Variants in CDC42SE2 observed in about 807,000 individuals in gnomAD.
The protein encoded by CDC42SE2 is CDC42 small effector protein 2.
In CDC42SE2, 3 loss-of-function variants were observed where a neutral mutation model predicts 11.5. The observed-to-expected ratio is 0.26, with a 90% CI of 0.12 to 0.67. The LOEUF (loss-of-function observed/expected upper bound fraction) is 0.67, where lower values mean the gene tolerates loss of function less well. CDC42SE2 is among the 30% of genes least tolerant of loss of function. The pLI is 0.80. For missense variants in CDC42SE2, 82 were observed against 106.8 expected (o/e 0.77, Z 1.02); for synonymous variants, 33 against 34.8 (o/e 0.95, Z 0.18).
intron 3 of CDC42SE2, among the ~76,000 whole-genome samples, chr5:131,384,306 G>A (rs1240073396): frequency 1.3e-5 from 2 of 152,190 alleles, no homozygotes; most frequent in African/African-American, 2.4e-5. Context: ...TTGTGGTTTT[G>A]TAGAAAGTCA....
chr5:131,318,891 A>T (rs1758103889), intron 2 of CDC42SE2, among the ~76,000 whole-genome samples: 1 of 152,008 alleles, frequency 6.6e-6, no homozygotes, highest in African/African-American at 2.4e-5. Flanking sequence ...TTGGCAGATA[A>T]TGCATTCTTT....
At chr5:131,290,325 G>A (rs1757430175) in intron 1 of CDC42SE2, among the ~76,000 whole-genome samples, 1 of 152,042 alleles carries the variant, frequency 6.6e-6, no homozygotes, top group African/African-American at 2.4e-5. Context: ...ACCTTATACT[G>A]GGTTGAGGAC....
chr5:131,354,944 A>C (rs987795727), intron 2 of CDC42SE2, among the ~76,000 whole-genome samples: 2 of 152,186 alleles, frequency 1.3e-5, no homozygotes, highest in Admixed American at 1.3e-4. Flanking sequence ...CAGCTGCGCC[A>C]AATGTTGGGA....
At chr5:131,262,486 T>G (rs1756752262), upstream of CDC42SE2, among the ~76,000 whole-genome samples, 1 of 152,178 alleles carries the variant, frequency 6.6e-6, no homozygotes, top group Non-Finnish European at 1.5e-5. Flanking sequence ...TTTCATTTAT[T>G]CTAGGGACTT....
upstream of CDC42SE2, among the ~76,000 whole-genome samples, chr5:131,243,882 C>A (rs539739523): frequency 6.6e-6 from 1 of 152,212 alleles, no homozygotes; most frequent in South Asian, 2.1e-4. Context: ...TTTAAGGGAG[C>A]CATAGTTAGA....
In CDC42SE2 at chr5:131,391,302, T is replaced by C. The variant is rs1750645044; in HGVS notation, c.*211T>C. On this transcript the variant is annotated 3_prime_UTR_variant, in exon 5 of 5. Coordinates refer to ENST00000505065, the MANE Select transcript of CDC42SE2 (RefSeq NM_001375635.1). The stretch of plus-strand genomic sequence containing the variant: ...TCCTTATTAAGAACTTTAAATACTT[T>C]AAAACATCTGGTTGGGGAGGATTCT... 1 of 209,734 alleles carries C rather than the reference T, an allele frequency of 4.8e-6. No individual in the cohort carries two copies. The highest frequency in any genetic ancestry group is 9.2e-6 in the Non-Finnish European group (1 of 108,134). The allele number at this position is 209,734 out of a possible 1,614,324, so 13.0% of individuals were successfully genotyped here.
At chr5:131,279,085 A>G (rs941045084) in intron 1 of CDC42SE2, among the ~76,000 whole-genome samples, 2 of 151,998 alleles carry the variant, frequency 1.3e-5, no homozygotes, top group African/African-American at 4.8e-5. Flanking sequence ...ACACCTGGTG[A>G]ATATTGGCAA....
At chr5:131,363,475 T>G (rs902050773) in intron 3 of CDC42SE2, among the ~76,000 whole-genome samples, 2 of 145,904 alleles carry the variant, frequency 1.4e-5, no homozygotes, top group Admixed American at 6.8e-5. Flanking sequence ...CTCCCGGGTT[T>G]AAGCAATTCT....
chr5:131,274,755 TA>T (rs1311918385), intron 1 of CDC42SE2, among the ~76,000 whole-genome samples: 1 of 152,180 alleles, frequency 6.6e-6, no homozygotes, highest in Non-Finnish European at 1.5e-5. Context: ...TCTGGCCACA[TA>T]TAGACCTCCC....
At chr5:131,302,643 A>G (rs543870149) in intron 1 of CDC42SE2, among the ~76,000 whole-genome samples, 1 of 152,150 alleles carries the variant, frequency 6.6e-6, no homozygotes, top group African/African-American at 2.4e-5. Flanking sequence ...CTGCTATTCT[A>G]TACTGCCTCC....
At chr5:131,240,176 T>C in the CDC42SE2 span, among the ~76,000 whole-genome samples, 1 of 152,360 alleles carries the variant, frequency 6.6e-6, no homozygotes, top group Non-Finnish European at 1.5e-5. Flanking sequence ...CCATGTTTTA[T>C]GCAACAGTTT....
chr5:131,285,617 T>G (rs574747219), intron 1 of CDC42SE2, among the ~76,000 whole-genome samples: 1 of 152,340 alleles, frequency 6.6e-6, no homozygotes, highest in South Asian at 2.1e-4. Flanking sequence ...CAGAGCTCCT[T>G]GCAAGAAACA....
At chr5:131,337,018 C>T (rs1392218410) in intron 2 of CDC42SE2, among the ~76,000 whole-genome samples, 2 of 152,222 alleles carry the variant, frequency 1.3e-5, no homozygotes, top group Admixed American at 6.5e-5. Context: ...TGAGGAGCTG[C>T]GTTCCTTTGG....
At chr5:131,279,771 TA>T in intron 1 of CDC42SE2, among the ~76,000 whole-genome samples, 1 of 152,100 alleles carries the variant, frequency 6.6e-6, no homozygotes, top group Non-Finnish European at 1.5e-5. Flanking sequence ...AATTATTGTT[TA>T]AAAATTGAAC....
At chr5:131,371,882 C>G (rs942213359) in intron 3 of CDC42SE2, among the ~76,000 whole-genome samples, 26 of 152,196 alleles carry the variant, frequency 1.7e-4, no homozygotes, top group African/African-American at 6.3e-4. Flanking sequence ...TTTCTTGCTA[C>G]CAAGTGTTAA....
In CDC42SE2 at chr5:131,391,129, T is replaced by A; in HGVS notation, c.*38T>A. ...CTCCAGTGAGTACTCAGAGCTGGGGTCTGGACCTGACGGCCAGACATGGCC... is the reference window on the plus strand; with the variant it reads ...CTCCAGTGAGTACTCAGAGCTGGGGACTGGACCTGACGGCCAGACATGGCC... On this transcript the variant is annotated 3_prime_UTR_variant, in exon 5 of 5. Coordinates refer to ENST00000505065, the MANE Select transcript of CDC42SE2 (RefSeq NM_001375635.1). The A allele has an allele frequency of 6.7e-7, 1 of 1,484,620 alleles. No homozygotes were observed. Among genetic ancestry groups the A allele is most frequent in the South Asian group, 1.2e-5 (1 of 86,312 alleles). 92.0% of individuals were successfully genotyped at this position (1,484,620 alleles called of 1,614,324 possible). A position where few individuals can be genotyped will look rare whatever the true frequency, so the allele number is the denominator to read the frequency against.
intron 2 of CDC42SE2, among the ~76,000 whole-genome samples, chr5:131,255,961 A>G (rs1756676177): frequency 6.6e-6 from 1 of 152,174 alleles, no homozygotes; most frequent in Non-Finnish European, 1.5e-5. Flanking sequence ...TGTTAAGAAA[A>G]TTGCCCAAAA....
At chr5:131,322,355 C>T (rs1758210001) in intron 2 of CDC42SE2, among the ~76,000 whole-genome samples, 1 of 152,162 alleles carries the variant, frequency 6.6e-6, no homozygotes, top group African/African-American at 2.4e-5. Context: ...CCAGTACCCA[C>T]ATACTTTATG....
intron 2 of CDC42SE2, among the ~76,000 whole-genome samples, chr5:131,327,479 TAGTG>T (rs1313201183): frequency 6.6e-6 from 1 of 152,236 alleles, no homozygotes; most frequent in Non-Finnish European, 1.5e-5. Context: ...AATGTGCAGT[TAGTG>T]GGCTTTATGT....
Sources: allele counts gnomAD v4.1 joint callset (sites outside exome capture counted in the v4.1 genomes callset), GRCh38; gene constraint gnomAD v4.1.1; transcripts MANE v1.5; gene names NCBI Gene and HGNC (gene_info 2026-07-23, HGNC 2026-07-21).